Variants in NEK5 observed in about 807,000 individuals in gnomAD.
NEK5 encodes serine/threonine-protein kinase Nek5.
NEK5 carries 88 observed loss-of-function variants against 109.2 expected under a neutral mutation model. The observed-to-expected ratio is 0.81, with a 90% CI of 0.68 to 0.96. The LOEUF is 0.96. NEK5 is among the 40% of genes least tolerant of loss of function. NEK5 has a pLI of 0.00. For missense variants in NEK5, 834 were observed against 920.7 expected (o/e 0.91, Z 1.22); for synonymous variants, 283 against 299.9 (o/e 0.94, Z 0.58).
At chr13:52,085,039 C>T (rs951934599) in intron 16 of NEK5, among the ~76,000 whole-genome samples, 2 of 152,042 alleles carry the variant, frequency 1.3e-5, no homozygotes, top group African/African-American at 2.4e-5. Context: ...AAAGTATGAA[C>T]GTGATATGGT....
rs373114793 is a variant in NEK5, at chr13:52,086,248, C to T, written c.1479+29G>A. The T allele has an allele frequency of 7.1e-5, 95 of 1,335,954 alleles. No individual in the cohort carries two copies. The African/African-American group carries it at 9.9e-4, about 14-fold the overall frequency. The allele number at this position is 1,335,954 out of a possible 1,614,324, so 82.8% of individuals were successfully genotyped here. On this transcript the variant is annotated intron_variant, in intron 16 of 23. Coordinates refer to ENST00000684899, the MANE Select transcript of NEK5 (RefSeq NM_001365552.1). ...TTTAGTTAGCTCTAAATCGATAGAA[C>T]AATGTTTCCCCTAGAAGAATGAATT...
At chr13:52,078,073 CAAAA>C (rs749297441) in intron 17 of NEK5, among the ~76,000 whole-genome samples, 2 of 113,056 alleles carry the variant, frequency 1.8e-5, no homozygotes, top group African/African-American at 3.3e-5. Context: ...AAACTTGTCT[CAAAA>C]AAAAAAAAAA....
chr13:52,075,756 A>G lies in NEK5; in HGVS notation c.1722+2T>C. 1 of 1,542,778 alleles carries G rather than the reference A, an allele frequency of 6.5e-7. No individual in the cohort carries two copies. Among genetic ancestry groups the G allele is most frequent in the East Asian group, 2.3e-5 (1 of 44,030 alleles). The stretch of plus-strand genomic sequence containing the variant: ...AATGGAAATTTAGACTTAATGGCAT[A>G]CCTCTTCCTCTTGGAGGATGTTTTC... On this transcript the variant is annotated splice_donor_variant, in intron 19 of 23. Coordinates refer to ENST00000684899, the MANE Select transcript of NEK5 (RefSeq NM_001365552.1). LOFTEE classifies it high-confidence loss of function.
chr13:52,087,197 C>A, intron 15 of NEK5, 141 bp downstream of exon 15: 1 of 484,274 alleles, frequency 2.1e-6, no homozygotes, highest in South Asian at 4.8e-5. Flanking sequence ...AAATACCTAA[C>A]TCTGTATCCC....
chr13:52,066,020 A>G (rs1370589757), intron 20 of NEK5, among the ~76,000 whole-genome samples: 1 of 152,170 alleles, frequency 6.6e-6, no homozygotes, highest in Non-Finnish European at 1.5e-5. Flanking sequence ...GAAGAAAAAA[A>G]AAAATCACCC....
intron 5 of NEK5, among the ~76,000 whole-genome samples, chr13:52,111,322 A>G (rs1955754062): frequency 6.6e-6 from 1 of 152,190 alleles, no homozygotes; most frequent in Admixed American, 6.6e-5. Context: ...ATTCCCAACA[A>G]AAAGAAATGT....
chr13:52,061,737 ATT>A, intron 22 of NEK5, 80 bp downstream of exon 22: 1 of 505,200 alleles, frequency 2.0e-6, no homozygotes, highest in Non-Finnish European at 2.6e-6. Flanking sequence ...AGCTGAAGGT[ATT>A]TTTATCCCCT....
intron 1 of NEK5, among the ~76,000 whole-genome samples, chr13:52,128,415 G>T (rs1173674849): frequency 6.6e-6 from 1 of 152,148 alleles, no homozygotes; most frequent in Admixed American, 6.5e-5. Flanking sequence ...TCCAAGGGTA[G>T]TAGTGCCAAG....
intron 8 of NEK5, among the ~76,000 whole-genome samples, chr13:52,106,269 AT>A (rs1955653266): frequency 6.6e-6 from 1 of 151,896 alleles, no homozygotes; most frequent in Admixed American, 6.6e-5. Flanking sequence ...TTTGCCTTCC[AT>A]TTATCTCCTT....
At chr13:52,091,572 G>A (rs1955284526) in intron 13 of NEK5, among the ~76,000 whole-genome samples, 1 of 152,112 alleles carries the variant, frequency 6.6e-6, no homozygotes, top group Admixed American at 6.5e-5. Context: ...CCATCCCATA[G>A]TATCTTGTGT....
chr13:52,063,909 AG>A (rs1192902323), intron 21 of NEK5, among the ~76,000 whole-genome samples: 5 of 149,398 alleles, frequency 3.3e-5, no homozygotes, highest in Admixed American at 1.3e-4. Context: ...GGTGGGGGTC[AG>A]CCCCTGCCAG....
At position 52,061,860 on chromosome 13, in the gene NEK5, G is replaced by T. The variant is rs1954616669; in HGVS notation, c.2069C>A (p.Ala690Glu). Residue 690 changes from alanine (A) to glutamate (E), a missense_variant, in exon 22 of 24, where the codon GCA (alanine) becomes GAA (glutamate). Ala to Glu is a moderately radical substitution (Grantham distance 107, BLOSUM62 -1). Around this residue, in one of 2 missense-constraint regions of NEK5, gnomAD observed 777 missense variants for 824.7 expected, o/e 0.94. Transcript: ENST00000684899. ...AGAAAATGAGCTACTCGTTAGATGT[G>T]CTGCTGCCAAAACACTCATTAAAGT... ...PGTLMSVLAA[A>E]HLTSSSFSAD... The T allele has an allele frequency of 3.0e-6, 3 of 985,630 alleles. No individual in the cohort carries two copies. The African/African-American group carries it at 5.2e-5, about 17-fold the overall frequency. 61.1% of individuals were successfully genotyped at this position (985,630 alleles called of 1,614,324 possible).
At chr13:52,041,267 G>T (rs1954410761) in intron 23 of NEK5, among the ~76,000 whole-genome samples, 1 of 152,038 alleles carries the variant, frequency 6.6e-6, no homozygotes, top group Admixed American at 6.6e-5. Flanking sequence ...CCTAAAGTAA[G>T]TATGCCCAAA....
intron 23 of NEK5, among the ~76,000 whole-genome samples, chr13:52,040,021 T>C (rs968775517): frequency 6.6e-6 from 1 of 151,214 alleles, no homozygotes; most frequent in African/African-American, 2.4e-5. Context: ...AGGACACAGC[T>C]AGCAGGTGCT....
chr13:52,097,606 C>A (rs578126602), intron 12 of NEK5, among the ~76,000 whole-genome samples: 1 of 152,286 alleles, frequency 6.6e-6, no homozygotes, highest in South Asian at 2.1e-4. Context: ...TTACCCAATG[C>A]CTGTACCCTC....
At chr13:52,111,842 C>T (rs1955764954) in intron 5 of NEK5, among the ~76,000 whole-genome samples, 2 of 152,146 alleles carry the variant, frequency 1.3e-5, no homozygotes, top group African/African-American at 4.8e-5. Flanking sequence ...ATAGGCATTG[C>T]CAAGACAAGC....
chr13:52,080,204 G>A lies in NEK5; in HGVS notation c.1572+3056C>T, dbSNP rs1409707765. ...CCCCGCCAGGCCAGCCGCCCCGTCC[G>A]GGAGGGAGGTGGGGGGGGGTCAGCC... On this transcript the variant is annotated intron_variant, in intron 17 of 23. Transcript: ENST00000684899. Among the ~76,000 whole-genome samples, 9 of 142,142 alleles carry A rather than the reference G, an allele frequency of 6.3e-5. No individual in the cohort carries two copies. The South Asian group carries it at 1.1e-3, about 18-fold the overall frequency. The allele number at this position is 142,142 out of a possible 152,430, so 93.3% of individuals were successfully genotyped here. A position where few individuals can be genotyped will look rare whatever the true frequency, so the allele number is the denominator to read the frequency against.
intron 17 of NEK5, among the ~76,000 whole-genome samples, chr13:52,077,639 G>A (rs1325843792): frequency 6.6e-6 from 1 of 152,140 alleles, no homozygotes; most frequent in Non-Finnish European, 1.5e-5. Context: ...AATGTCAAGG[G>A]GAGTGTAACA....
intron 17 of NEK5, among the ~76,000 whole-genome samples, chr13:52,078,132 A>G (rs2137828035): frequency 6.6e-6 from 1 of 152,344 alleles, no homozygotes; most frequent in African/African-American, 2.4e-5. Context: ...TATAATAGCC[A>G]AAAGCTGGAG....
Sources: gnomAD v4.1 joint callset for allele counts (sites outside exome capture counted in the v4.1 genomes callset) on GRCh38, gnomAD v4.1.1 for gene constraint, gnomAD v4.1.1 regional missense constraint, MANE v1.5 for transcripts, NCBI Gene and HGNC (gene_info 2026-07-23, HGNC 2026-07-21) for gene names.